Variants in DHX29 observed in about 807,000 individuals in gnomAD.
The protein encoded by DHX29 is DExH-box helicase 29, also known as ATP-dependent RNA helicase DHX29.
In DHX29, 79 loss-of-function variants were observed where a neutral mutation model predicts 167.9. The ratio of observed to expected loss-of-function variants is 0.47; its 90% CI spans 0.39 to 0.57. The LOEUF (loss-of-function observed/expected upper bound fraction) is 0.57, where lower values mean the gene tolerates loss of function less well. Among genes scored for constraint, DHX29 ranks in the 20% least tolerant of loss-of-function variants. The probability of loss-of-function intolerance (pLI) is 0.00; values close to 1 mark genes in which losing one functional copy is unlikely to be tolerated. For synonymous variants in DHX29, 530 were observed against 546.0 expected, an observed-to-expected ratio of 0.97 and a Z score of 0.41; for missense variants, 1,347 against 1,593.4, an observed-to-expected ratio of 0.85 and a Z score of 2.63.
In DHX29 at chr5:55,262,674, TTACTGAGGATGGGTG is replaced by T. The variant is rs764782530; in HGVS notation, c.3769_3783del (p.His1257_Val1261del). On this transcript the variant is annotated inframe_deletion, in exon 24 of 27. Transcript: ENST00000251636. ...CATCCATGAGTTTGCAAATCTCGAT[TTACTGAGGATGGGTG>T]TACTTGTGCTTTGCCTTGGGCCGTC... 1.1e-5 allele frequency: 18 copies of T among 1,614,010 alleles called. No homozygotes were observed. The highest frequency in any genetic ancestry group is 8.5e-7 in the Non-Finnish European group (1 of 1,179,972).
At chr5:55,299,583 A>G (rs962572994) in intron 1 of DHX29, among the ~76,000 whole-genome samples, 1 of 151,636 alleles carries the variant, frequency 6.6e-6, no homozygotes, top group Non-Finnish European at 1.5e-5. Context: ...CTAGGTAAGA[A>G]TCGTTCCTTC....
chr5:55,274,131 C>T (rs1471924140), intron 16 of DHX29, among the ~76,000 whole-genome samples: 2 of 151,508 alleles, frequency 1.3e-5, no homozygotes, highest in East Asian at 3.9e-4. Context: ...CAGTGGCTCA[C>T]GCCTGTAATC....
intron 7 of DHX29, among the ~76,000 whole-genome samples, chr5:55,289,681 A>T (rs375170608): frequency 1.3e-5 from 2 of 152,296 alleles, no homozygotes; most frequent in South Asian, 4.1e-4. Flanking sequence ...TTTAAAATAA[A>T]TTATTTAATA....
intron 26 of DHX29, among the ~76,000 whole-genome samples, chr5:55,258,848 C>T (rs905456247): frequency 6.6e-6 from 1 of 152,034 alleles, no homozygotes; most frequent in Non-Finnish European, 1.5e-5. Flanking sequence ...TCACCATGCC[C>T]GGCTCATTTC....
At chr5:55,304,711 T>G (rs1561175194) in intron 1 of DHX29, among the ~76,000 whole-genome samples, 2 of 148,052 alleles carry the variant, frequency 1.4e-5, no homozygotes, top group Admixed American at 6.8e-5. Flanking sequence ...CAAATGAAAT[T>G]AAAAAAAAAA....
rs777174988 is a variant in DHX29 at position 55,293,999 on chromosome 5, A to G, written c.780+18T>C. 7.5e-6 allele frequency: 12 copies of G among 1,600,762 alleles called. No homozygotes were observed. The East Asian group carries it at 2.7e-4, about 36-fold the overall frequency. On this transcript the variant is annotated intron_variant, in intron 6 of 26. Coordinates refer to ENST00000251636, the MANE Select transcript of DHX29 (RefSeq NM_019030.4). ...TTAAGAGCATCCAGTTAGAAGCCTA[A>G]CACAAATTTCTACTCACAGGGTCAA...
intron 1 of DHX29, among the ~76,000 whole-genome samples, chr5:55,303,020 T>C (rs1256526232): frequency 4.6e-5 from 7 of 152,128 alleles, no homozygotes; most frequent in Admixed American, 2.6e-4. Context: ...CATGGAACGA[T>C]GCAACATATA....
At chr5:55,286,536 C>T (rs1174410132) in intron 8 of DHX29, among the ~76,000 whole-genome samples, 1 of 152,140 alleles carries the variant, frequency 6.6e-6, no homozygotes. Flanking sequence ...TGTCTGCCAC[C>T]GGCACCAGCA....
intron 8 of DHX29, among the ~76,000 whole-genome samples, chr5:55,287,728 C>A (rs1313528477): frequency 6.6e-6 from 1 of 151,780 alleles, no homozygotes; most frequent in East Asian, 1.9e-4. Context: ...GAGGGCAGAT[C>A]ACCCGAAGTC....
intron 8 of DHX29, among the ~76,000 whole-genome samples, chr5:55,287,056 TAC>T (rs1465736050): frequency 2.0e-5 from 3 of 152,200 alleles, no homozygotes; most frequent in Admixed American, 6.5e-5. Context: ...AATTTGTAAT[TAC>T]GTATTGTATA....
At chr5:55,259,279 G>C (rs1187093906) in intron 26 of DHX29, among the ~76,000 whole-genome samples, 2 of 152,092 alleles carry the variant, frequency 1.3e-5, no homozygotes, top group African/African-American at 4.8e-5. Context: ...AAGTTTAAAA[G>C]AGACAGGAGT....
At position 55,290,399 on chromosome 5, in the gene DHX29, TTATC is replaced by T. The variant is rs1388319194; in HGVS notation, c.781-59_781-56del. The T allele has an allele frequency of 5.9e-6, 9 of 1,532,262 alleles. No individual in the cohort carries two copies. The African/African-American group carries it at 1.3e-4, about 21-fold the overall frequency. 94.9% of individuals were successfully genotyped at this position (1,532,262 alleles called of 1,614,324 possible). A position where few individuals can be genotyped will look rare whatever the true frequency, so the allele number is the denominator to read the frequency against. On this transcript the variant is annotated intron_variant, in intron 6 of 26. Coordinates refer to ENST00000251636, the MANE Select transcript of DHX29 (RefSeq NM_019030.4). ...AAAAAAAAAGAAGAGCAAGATTAGT[TTATC>T]TATGGTCAATAAACTGTATCAAAAT...
chr5:55,267,965 A>G (rs1746665858), intron 21 of DHX29, 143 bp from the exon 22 acceptor site: 2 of 394,046 alleles, frequency 5.1e-6, no homozygotes, highest in East Asian at 8.1e-5. Flanking sequence ...GTTTATTAGT[A>G]TTATTATACT....
intron 26 of DHX29, 55 bp downstream of exon 26, chr5:55,259,793 T>C (rs1420209180): frequency 1.0e-6 from 1 of 999,430 alleles, no homozygotes; most frequent in Non-Finnish European, 1.6e-6. Context: ...TACATAGGTA[T>C]GTGTACACAT....
intron 8 of DHX29, among the ~76,000 whole-genome samples, chr5:55,288,246 A>T (rs1747848398): frequency 6.6e-6 from 1 of 152,092 alleles, no homozygotes. Context: ...TCCATCTCAA[A>T]AACAAAAAAC....
intron 20 of DHX29, among the ~76,000 whole-genome samples, chr5:55,269,972 A>G (rs1381350549): frequency 6.6e-6 from 1 of 152,150 alleles, no homozygotes; most frequent in East Asian, 1.9e-4. Flanking sequence ...CCTTTGTTTA[A>G]GTCAGGGTTT....
chr5:55,284,987 T>C (rs751581196), intron 10 of DHX29, among the ~76,000 whole-genome samples: 4 of 152,126 alleles, frequency 2.6e-5, no homozygotes, highest in Non-Finnish European at 5.9e-5. Context: ...GCCACCACAC[T>C]CCAGCCTGGG....
chr5:55,303,183 A>G (rs898694482), intron 1 of DHX29, among the ~76,000 whole-genome samples: 2 of 151,860 alleles, frequency 1.3e-5, no homozygotes, highest in Non-Finnish European at 2.9e-5. Flanking sequence ...TTCTTTTTAT[A>G]CTGTATTTTA....
intron 4 of DHX29, 138 bp from the exon 5 acceptor site, chr5:55,295,662 G>C: frequency 1.3e-6 from 1 of 797,404 alleles, no homozygotes; most frequent in Non-Finnish European, 1.9e-6. Flanking sequence ...CCTAAGAATA[G>C]AAATCTTAAG....
Sources: gnomAD v4.1 joint callset for allele counts (sites outside exome capture counted in the v4.1 genomes callset) on GRCh38, gnomAD v4.1.1 for gene constraint, MANE v1.5 for transcripts, NCBI Gene and HGNC (gene_info 2026-07-23, HGNC 2026-07-21) for gene names.